The following OCA2 variants were observed in gnomAD, a reference collection of about 807,000 sequenced individuals.
OCA2 encodes the protein OCA2 melanosomal transmembrane protein.
A neutral mutation model predicts 100.2 loss-of-function variants in OCA2; 77 were observed. The observed-to-expected ratio is 0.77, with a 90% CI of 0.64 to 0.93. OCA2 has a LOEUF of 0.93. OCA2 is among the 40% of genes least tolerant of loss of function. OCA2 has a pLI of 0.00. For synonymous variants in OCA2, 432 were observed against 439.2 expected (o/e 0.98, Z 0.21); for missense variants, 1,062 against 1,089.1 (o/e 0.98, Z 0.35).
At chr15:27,959,966 C>T (rs1287567947) in intron 15 of OCA2, among the ~76,000 whole-genome samples, 1 of 152,204 alleles carries the variant, frequency 6.6e-6, no homozygotes, top group Non-Finnish European at 1.5e-5. Context: ...TCACCCAGAA[C>T]TCAGTTTACC....
chr15:27,919,023 T>A (rs974302393), intron 19 of OCA2, among the ~76,000 whole-genome samples: 3 of 151,844 alleles, frequency 2.0e-5, no homozygotes, highest in South Asian at 4.1e-4. Flanking sequence ...ACAGAAAAAA[T>A]TTAAAGAAAT....
chr15:27,913,875 G>GAAAGAA (rs2038522547), intron 19 of OCA2, among the ~76,000 whole-genome samples: 1 of 52,632 alleles, frequency 1.9e-5, no homozygotes, highest in African/African-American at 9.7e-5. Flanking sequence ...AAGAAAGAAA[G>GAAAGAA]AAAGAAAGAA....
At chr15:27,863,541 AG>A (rs1250818955) in intron 21 of OCA2, among the ~76,000 whole-genome samples, 1 of 152,154 alleles carries the variant, frequency 6.6e-6, no homozygotes, top group East Asian at 1.9e-4. Flanking sequence ...ACCTGTTAGA[AG>A]TTCCCAGTGC....
At chr15:28,064,417 A>C (rs1156764759) in intron 2 of OCA2, among the ~76,000 whole-genome samples, 2 of 151,390 alleles carry the variant, frequency 1.3e-5, no homozygotes, top group Admixed American at 1.3e-4. Flanking sequence ...GTACTATTTG[A>C]TGGCTTTCCA....
chr15:27,845,471 G>A (rs1170857688), intron 22 of OCA2, among the ~76,000 whole-genome samples: 1 of 152,174 alleles, frequency 6.6e-6, no homozygotes, highest in Non-Finnish European at 1.5e-5. Context: ...TCTTTCAGTG[G>A]ATGAAAGGAT....
At chr15:27,839,928 A>G (rs2035285693) in intron 23 of OCA2, among the ~76,000 whole-genome samples, 1 of 152,182 alleles carries the variant, frequency 6.6e-6, no homozygotes, top group East Asian at 1.9e-4. Flanking sequence ...TAAAATAAAT[A>G]AAAAGATTCT....
chr15:27,924,967 C>T (rs577551031), intron 19 of OCA2, among the ~76,000 whole-genome samples: 1 of 151,900 alleles, frequency 6.6e-6, no homozygotes, highest in South Asian at 2.1e-4. Flanking sequence ...GCAAATAGAC[C>T]CTAAGACAAA....
chr15:27,825,235 G>A (rs116287671), intron 23 of OCA2, among the ~76,000 whole-genome samples: 2,847 of 152,210 alleles, frequency 0.019, 74 homozygotes, highest in African/African-American at 0.064. Flanking sequence ...CTGCCCTCCC[G>A]CCCCAGAGCT....
At chr15:27,898,150 T>C (rs1234838207) in intron 19 of OCA2, among the ~76,000 whole-genome samples, 1 of 152,220 alleles carries the variant, frequency 6.6e-6, no homozygotes, top group Non-Finnish European at 1.5e-5. Flanking sequence ...GACATTGGAC[T>C]GTGTACTTTC....
chr15:28,062,263 T>C (rs142380356), intron 2 of OCA2, among the ~76,000 whole-genome samples: 12 of 152,366 alleles, frequency 7.9e-5, no homozygotes, highest in Non-Finnish European at 1.5e-4. Context: ...AGCCATCCTA[T>C]TGGGTGTCAA....
At chr15:28,015,804 C>T (rs538222692) in intron 8 of OCA2, among the ~76,000 whole-genome samples, 1 of 152,312 alleles carries the variant, frequency 6.6e-6, no homozygotes, top group African/African-American at 2.4e-5. Context: ...AAGAAGAATC[C>T]TAAATTTCCT....
chr15:27,892,100 C>T (rs1306952786), intron 19 of OCA2, among the ~76,000 whole-genome samples: 4 of 152,038 alleles, frequency 2.6e-5, no homozygotes, highest in Non-Finnish European at 5.9e-5. Flanking sequence ...AAAGAAAAAA[C>T]AAATTCATGT....
At position 27,871,896 on chromosome 15, in the gene OCA2, T is replaced by A; in HGVS notation, c.2106A>T (p.Glu702Asp). The part of the protein sequence containing the change: ...MEALAHLHLI[E>D]YVGEQTALLI... ...GCAAAGCAGTTTGTTCTCCAACATA[T>A]TCTATTAAGTGGAGATGTGCCAATG... Residue 702 changes from glutamate (E) to aspartate (D), a missense_variant, in exon 20 of 24, where the codon GAA becomes GAT. Physicochemically the swap from Glu to Asp is conservative, Grantham distance 45 (BLOSUM62 2). Transcript: ENST00000354638. The A allele has an allele frequency of 6.2e-7, 1 of 1,611,194 alleles. No individual in the cohort carries two copies. Among genetic ancestry groups the A allele is most frequent in the Middle Eastern group, 1.7e-4 (1 of 5,720 alleles).
intron 23 of OCA2, among the ~76,000 whole-genome samples, chr15:27,781,613 A>G (rs1412112000): frequency 6.6e-6 from 1 of 152,180 alleles, no homozygotes; most frequent in African/African-American, 2.4e-5. Context: ...ATCTTTAATA[A>G]CTGCTTCATC....
chr15:27,784,390 A>C (rs2032701805), intron 23 of OCA2, among the ~76,000 whole-genome samples: 1 of 152,152 alleles, frequency 6.6e-6, no homozygotes, highest in African/African-American at 2.4e-5. Flanking sequence ...GCCTAATGGA[A>C]GGAAAAGTAT....
chr15:28,015,241 G>A lies in OCA2; in HGVS notation c.891-312C>T, dbSNP rs565207539. ...GCTCTTCCTCCTCCCCAACATACCC[G>A]ACCAGTTTACCTGCTAACTAAGAGC... On this transcript the variant is annotated intron_variant, in intron 8 of 23. Transcript: ENST00000354638. 5.9e-5 allele frequency among the ~76,000 whole-genome samples: 9 copies of A among 152,196 alleles called. No homozygotes were observed. In the South Asian group the frequency reaches 1.5e-3, roughly 25 times the overall value.
At position 28,061,356 on chromosome 15, in the gene OCA2, A is replaced by C. The variant is rs199762705; in HGVS notation, c.227+20292T>G. Among the ~76,000 whole-genome samples, 5 of 152,322 alleles carry C rather than the reference A, an allele frequency of 3.3e-5. 1 individual carries two copies. The East Asian group carries it at 9.7e-4, about 29-fold the overall frequency. On this transcript the variant is annotated intron_variant, in intron 2 of 23. Transcript: ENST00000354638. Reference sequence around the variant, plus strand: ...ACAGAGAATTCACTGGCCATACACAACAAAGAATACAGACTCAAAAACATG... The same window carrying C: ...ACAGAGAATTCACTGGCCATACACACCAAAGAATACAGACTCAAAAACATG...
intron 2 of OCA2, among the ~76,000 whole-genome samples, chr15:28,051,056 G>T (rs2043496481): frequency 6.6e-6 from 1 of 152,184 alleles, no homozygotes; most frequent in African/African-American, 2.4e-5. Flanking sequence ...CCCATATGAG[G>T]GTGGATCCTG....
At chr15:27,880,117 C>A (rs996717514) in intron 19 of OCA2, among the ~76,000 whole-genome samples, 1 of 152,114 alleles carries the variant, frequency 6.6e-6, no homozygotes, top group African/African-American at 2.4e-5. Flanking sequence ...GAATCCTATC[C>A]CCATTGCTTG....
Sources: gnomAD v4.1 joint callset for allele counts (sites outside exome capture counted in the v4.1 genomes callset) on GRCh38, gnomAD v4.1.1 for gene constraint, MANE v1.5 for transcripts, NCBI Gene and HGNC (gene_info 2026-07-23, HGNC 2026-07-21) for gene names.